The following GRHL2 variants were observed in gnomAD, a reference collection of about 807,000 sequenced individuals.
The protein encoded by GRHL2 is grainyhead like transcription factor 2.
In GRHL2, 21 loss-of-function variants were observed where a neutral mutation model predicts 83.8. The ratio of observed to expected loss-of-function variants is 0.25; its 90% CI spans 0.18 to 0.36. The LOEUF is 0.36. GRHL2 is among the 10% of genes least tolerant of loss of function. The pLI, the probability that GRHL2 is intolerant of heterozygous loss-of-function variation, is 1.00. For missense variants in GRHL2, 623 were observed against 781.8 expected, an observed-to-expected ratio of 0.80 and a Z score of 2.42; for synonymous variants, 280 against 278.9, an observed-to-expected ratio of 1.00 and a Z score of -0.04.
At chr8:101,569,123 A>T (rs1268951172) in intron 4 of GRHL2, among the ~76,000 whole-genome samples, 4 of 152,188 alleles carry the variant, frequency 2.6e-5, no homozygotes, top group Non-Finnish European at 5.9e-5. Context: ...TCATAGTGAA[A>T]AAACAAGATA....
At chr8:101,530,173 C>T (rs1479725524) in intron 1 of GRHL2, among the ~76,000 whole-genome samples, 2 of 152,210 alleles carry the variant, frequency 1.3e-5, no homozygotes, top group East Asian at 1.9e-4. Flanking sequence ...TTAACCCCTC[C>T]TGCACCAAAG....
chr8:101,548,078 A>G (rs927265256), intron 2 of GRHL2, among the ~76,000 whole-genome samples: 2 of 152,216 alleles, frequency 1.3e-5, no homozygotes, highest in Admixed American at 1.3e-4. Flanking sequence ...GTTGGTTTCT[A>G]TCTGTTCTAT....
chr8:101,502,560 A>G (rs551097780), intron 1 of GRHL2, among the ~76,000 whole-genome samples: 36 of 152,342 alleles, frequency 2.4e-4, no homozygotes, highest in Non-Finnish European at 4.7e-4. Flanking sequence ...GTACAAGAAA[A>G]TCAGATAAAA....
At chr8:101,610,402 G>A (rs1812724331) in intron 8 of GRHL2, among the ~76,000 whole-genome samples, 1 of 150,626 alleles carries the variant, frequency 6.6e-6, no homozygotes, top group Admixed American at 6.6e-5. Context: ...GGCTTGAACT[G>A]GGGGACCCTG....
chr8:101,672,733 C>G (rs1814230418), downstream of GRHL2, among the ~76,000 whole-genome samples: 1 of 151,542 alleles, frequency 6.6e-6, no homozygotes, highest in Non-Finnish European at 1.5e-5. Context: ...AGAAGAGCAA[C>G]TCCAAGACAC....
At chr8:101,638,971 C>G (rs2154650) in intron 12 of GRHL2, among the ~76,000 whole-genome samples, 17,518 of 152,160 alleles carry the variant, frequency 0.12, 2,163 homozygotes, top group African/African-American at 0.31. Context: ...TGACATTGAG[C>G]ATCTTGCGTA....
chr8:101,674,600 T>A (rs534053905), downstream of GRHL2, among the ~76,000 whole-genome samples: 3 of 152,262 alleles, frequency 2.0e-5, no homozygotes, highest in African/African-American at 7.2e-5. Context: ...CAGGACCAGA[T>A]GGATTCATAG....
intron 14 of GRHL2, among the ~76,000 whole-genome samples, chr8:101,659,104 T>C (rs1371431586): frequency 1.3e-5 from 2 of 152,230 alleles, no homozygotes; most frequent in African/African-American, 2.4e-5. Flanking sequence ...GCTTATGATA[T>C]AGGAAACATG....
intron 14 of GRHL2, among the ~76,000 whole-genome samples, chr8:101,653,965 T>G (rs1265209115): frequency 6.6e-6 from 1 of 152,206 alleles, no homozygotes; most frequent in Non-Finnish European, 1.5e-5. Context: ...TCACTTAGGA[T>G]GGTAATAAGT....
chr8:101,637,431 T>C (rs557465566), intron 12 of GRHL2, among the ~76,000 whole-genome samples: 79 of 152,312 alleles, frequency 5.2e-4, no homozygotes, highest in Non-Finnish European at 9.6e-4. Context: ...TGAATACCAG[T>C]TGGACTGAGA....
chr8:101,523,633 G>A (rs551333448), intron 1 of GRHL2, among the ~76,000 whole-genome samples: 29 of 151,936 alleles, frequency 1.9e-4, no homozygotes, highest in Non-Finnish European at 3.7e-4. Context: ...GCACCACCAT[G>A]TGTGGCTAAT....
At chr8:101,629,957 A>G (rs1013689510) in intron 9 of GRHL2, among the ~76,000 whole-genome samples, 1 of 152,146 alleles carries the variant, frequency 6.6e-6, no homozygotes, top group African/African-American at 2.4e-5. Flanking sequence ...GCAAGTGTCA[A>G]TGACAATTCA....
intron 4 of GRHL2, among the ~76,000 whole-genome samples, chr8:101,564,873 A>G (rs7007442): frequency 0.033 from 4,916 of 149,274 alleles, 270 homozygotes; most frequent in African/African-American, 0.11. Context: ...TCTATATTTT[A>G]TTCCACATCC....
chr8:101,524,818 A>G (rs562028530), intron 1 of GRHL2, among the ~76,000 whole-genome samples: 142 of 152,080 alleles, frequency 9.3e-4, no homozygotes, highest in Non-Finnish European at 1.6e-3. Context: ...TCCAGTTTGA[A>G]AGTATTTATC....
At chr8:101,661,848 T>G (rs1192893473) in intron 14 of GRHL2, among the ~76,000 whole-genome samples, 1 of 152,206 alleles carries the variant, frequency 6.6e-6, no homozygotes, top group African/African-American at 2.4e-5. Context: ...TTTCTAGTGT[T>G]GAGATGAGAA....
intron 1 of GRHL2, among the ~76,000 whole-genome samples, chr8:101,505,081 T>A (rs900060946): frequency 4.0e-5 from 6 of 151,780 alleles, no homozygotes; most frequent in African/African-American, 1.5e-4. Context: ...GGCTGCGGAA[T>A]AAACACAGAG....
At position 101,667,041 on chromosome 8, in the gene GRHL2, C is replaced by T. The variant is rs549491841; in HGVS notation, c.*338C>T. 1.0e-4 allele frequency: 41 copies of T among 404,058 alleles called. No individual in the cohort carries two copies. Among genetic ancestry groups the T allele is most frequent in the African/African-American group, 7.6e-4 (38 of 49,756 alleles). 25.0% of individuals were successfully genotyped at this position (404,058 alleles called of 1,614,324 possible). A position where few individuals can be genotyped will look rare whatever the true frequency, so the allele number is the denominator to read the frequency against. ...TCCAGATGAGACCGTCCAGCGTTCC[C>T]CCTTCAAGAGAAACACTCATCCCGA... On this transcript the variant is annotated 3_prime_UTR_variant, in exon 16 of 16. Transcript: ENST00000646743.
rs1809987298 is a variant in GRHL2 at position 101,492,629 on chromosome 8, G to A, written c.-141G>A. 2.6e-6 allele frequency: 2 copies of A among 777,930 alleles called. No homozygotes were observed. The highest frequency in any genetic ancestry group is 1.7e-5 in the African/African-American group (1 of 59,196). 48.2% of individuals were successfully genotyped at this position (777,930 alleles called of 1,614,324 possible). A position where few individuals can be genotyped will look rare whatever the true frequency, so the allele number is the denominator to read the frequency against. On this transcript the variant is annotated 5_prime_UTR_variant, in exon 1 of 16. Coordinates refer to ENST00000646743, the MANE Select transcript of GRHL2 (RefSeq NM_024915.4). The stretch of plus-strand genomic sequence containing the variant: ...CGAGCGAGCGAGAGTGGTGAGGGGG[G>A]ACGGAAAAGCAGAATTACCTGTAGC...
intron 14 of GRHL2, among the ~76,000 whole-genome samples, chr8:101,652,585 T>C (rs1466385066): frequency 1.4e-4 from 12 of 82,964 alleles, no homozygotes; most frequent in South Asian, 4.3e-4. Flanking sequence ...GTGTGTGTGG[T>C]GTCTGTGTGT....
Sources: allele counts gnomAD v4.1 joint callset (sites outside exome capture counted in the v4.1 genomes callset), GRCh38; gene constraint gnomAD v4.1.1; transcripts MANE v1.5; gene names NCBI Gene and HGNC (gene_info 2026-07-23, HGNC 2026-07-21).